Variants in JAZF1 observed in about 807,000 individuals in gnomAD.
JAZF1 encodes the protein juxtaposed with another zinc finger protein 1.
In JAZF1, 8 loss-of-function variants were observed where a neutral mutation model predicts 26.4. The ratio of observed to expected loss-of-function variants is 0.30; its 90% confidence interval spans 0.18 to 0.55. JAZF1 has a LOEUF of 0.55. Ranked by LOEUF, JAZF1 falls within the 20% of genes least tolerant of loss-of-function variation. JAZF1 has a pLI of 0.94. For missense variants in JAZF1, 199 were observed against 322.0 expected (o/e 0.62, Z 2.92); for synonymous variants, 126 against 122.3 (o/e 1.03, Z -0.20).
At chr7:28,002,167 C>T (rs1415009525) in intron 1 of JAZF1, among the ~76,000 whole-genome samples, 1 of 152,182 alleles carries the variant, frequency 6.6e-6, no homozygotes, top group Non-Finnish European at 1.5e-5. Context: ...CCCAACTACC[C>T]TGATTAAAAA....
intron 3 of JAZF1, among the ~76,000 whole-genome samples, chr7:27,869,795 G>C (rs1227418342): frequency 1.3e-5 from 2 of 152,214 alleles, no homozygotes; most frequent in Non-Finnish European, 2.9e-5. Context: ...TTAGGAAATG[G>C]TATTTCTACC....
At chr7:28,086,310 A>G (rs557656689) in intron 1 of JAZF1, among the ~76,000 whole-genome samples, 20 of 152,344 alleles carry the variant, frequency 1.3e-4, no homozygotes, top group Non-Finnish European at 2.6e-4. Flanking sequence ...GGTACTCATA[A>G]AAGTTTTTAA....
chr7:28,161,767 C>G (rs1197131752), intron 1 of JAZF1, among the ~76,000 whole-genome samples: 1 of 152,102 alleles, frequency 6.6e-6, no homozygotes, highest in Non-Finnish European at 1.5e-5. Context: ...GACTTAGAAG[C>G]AGTATATGAT....
intron 1 of JAZF1, among the ~76,000 whole-genome samples, chr7:28,058,251 A>C (rs1352616183): frequency 6.6e-6 from 1 of 152,190 alleles, no homozygotes; most frequent in Non-Finnish European, 1.5e-5. Flanking sequence ...GTGAACCTAC[A>C]AAGTGGGGGA....
At chr7:28,126,311 TA>T (rs1782692040) in intron 1 of JAZF1, among the ~76,000 whole-genome samples, 1 of 152,208 alleles carries the variant, frequency 6.6e-6, no homozygotes, top group South Asian at 2.1e-4. Flanking sequence ...AAAAAGTTCC[TA>T]CTCTCACCCT....
intron 3 of JAZF1, among the ~76,000 whole-genome samples, chr7:27,882,225 T>C (rs1247983619): frequency 2.0e-5 from 3 of 151,884 alleles, no homozygotes; most frequent in South Asian, 2.1e-4. Context: ...CAAATTCATA[T>C]ACAGTTGTCC....
intron 2 of JAZF1, among the ~76,000 whole-genome samples, chr7:27,957,364 G>A (rs1020065649): frequency 2.0e-5 from 3 of 152,124 alleles, no homozygotes; most frequent in Admixed American, 2.0e-4. Flanking sequence ...ATGACATAAG[G>A]GATGATGTAT....
At chr7:27,863,338 T>C (rs547926961) in intron 3 of JAZF1, among the ~76,000 whole-genome samples, 74 of 152,296 alleles carry the variant, frequency 4.9e-4, no homozygotes, top group African/African-American at 1.8e-3. Context: ...ATGCTGAGCC[T>C]GTCCCCGCCA....
chr7:28,164,163 G>T (rs1441193893), intron 1 of JAZF1, among the ~76,000 whole-genome samples: 1 of 152,180 alleles, frequency 6.6e-6, no homozygotes, highest in Non-Finnish European at 1.5e-5. Context: ...CAGATTAGCT[G>T]ACCAGCAGCC....
rs145314080 is a variant in JAZF1 at position 28,162,961 on chromosome 7, G to A, written c.115+17502C>T. ...AGTGGCTATCAGTTTAAGTTCCTGCGTCATAAACTTAGTGCCATTGCAGAT... is the reference window on the plus strand; with the variant it reads ...AGTGGCTATCAGTTTAAGTTCCTGCATCATAAACTTAGTGCCATTGCAGAT... On this transcript the variant is annotated intron_variant, in intron 1 of 4. Transcript: ENST00000283928. Among the ~76,000 whole-genome samples, 1,510 of 152,302 alleles carry A rather than the reference G, an allele frequency of 9.9e-3. 31 individuals are homozygous for A. The highest frequency in any genetic ancestry group is 0.035 in the African/African-American group (1,451 of 41,554).
chr7:28,164,720 G>A (rs1050995439), intron 1 of JAZF1, among the ~76,000 whole-genome samples: 11 of 152,196 alleles, frequency 7.2e-5, no homozygotes, highest in South Asian at 2.1e-4. Flanking sequence ...TACATGTTAC[G>A]TTACTGCTTT....
chr7:28,122,783 A>G (rs1286540830), intron 1 of JAZF1, among the ~76,000 whole-genome samples: 2 of 152,194 alleles, frequency 1.3e-5, no homozygotes, highest in Non-Finnish European at 2.9e-5. Context: ...GCCCCTCCAT[A>G]GTTATAGGGA....
chr7:27,845,496 A>G (rs564594458), intron 3 of JAZF1, among the ~76,000 whole-genome samples: 1 of 152,290 alleles, frequency 6.6e-6, no homozygotes, highest in East Asian at 1.9e-4. Flanking sequence ...CAGGAGTTTG[A>G]GACCAGCCTG....
intron 1 of JAZF1, among the ~76,000 whole-genome samples, chr7:28,014,544 G>C (rs916367018): frequency 5.3e-5 from 8 of 152,164 alleles, no homozygotes; most frequent in African/African-American, 1.9e-4. Context: ...CCCTGCACAA[G>C]CTCTCTCTCT....
intron 2 of JAZF1, among the ~76,000 whole-genome samples, chr7:27,948,798 A>G (rs1047893029): frequency 2.0e-5 from 3 of 152,200 alleles, no homozygotes; most frequent in African/African-American, 7.2e-5. Context: ...GATGTAAAAT[A>G]CCATACTTGA....
chr7:27,851,845 G>C (rs780954756), intron 3 of JAZF1, among the ~76,000 whole-genome samples: 8 of 152,070 alleles, frequency 5.3e-5, no homozygotes, highest in Non-Finnish European at 1.2e-4. Context: ...CAAGAATCTG[G>C]TGAGACCTAA....
chr7:28,168,254 C>T (rs947193475), intron 1 of JAZF1, among the ~76,000 whole-genome samples: 4 of 151,802 alleles, frequency 2.6e-5, no homozygotes, highest in African/African-American at 9.7e-5. Flanking sequence ...TGGCAGCAGG[C>T]GCCTGTAGTC....
At chr7:27,972,260 C>A (rs533367702) in intron 2 of JAZF1, among the ~76,000 whole-genome samples, 1 of 152,184 alleles carries the variant, frequency 6.6e-6, no homozygotes, top group Non-Finnish European at 1.5e-5. Context: ...AGCCCTGCTG[C>A]GCAAGTGACA....
chr7:28,077,526 C>T (rs186482218), intron 1 of JAZF1, among the ~76,000 whole-genome samples: 61 of 150,582 alleles, frequency 4.1e-4, no homozygotes, highest in African/African-American at 1.5e-3. Context: ...TTTTCTACAA[C>T]AAATAAATAA....
Sources: gnomAD v4.1 joint callset for allele counts (sites outside exome capture counted in the v4.1 genomes callset) on GRCh38, gnomAD v4.1.1 for gene constraint, MANE v1.5 for transcripts, NCBI Gene and HGNC (gene_info 2026-07-23, HGNC 2026-07-21) for gene names.